PAX3: variants seen among roughly 807,000 people sequenced by gnomAD.
The protein encoded by PAX3 is paired box protein Pax-3.
In PAX3, 14 loss-of-function variants were observed where a neutral mutation model predicts 51.6. The observed-to-expected ratio is 0.27, with a 90% CI of 0.18 to 0.42. The LOEUF (loss-of-function observed/expected upper bound fraction) is 0.42. Ranked by LOEUF, PAX3 falls within the 10% of genes least tolerant of loss-of-function variation. PAX3 has a pLI of 1.00. For synonymous variants in PAX3, 280 were observed against 253.4 expected, an observed-to-expected ratio of 1.11 and a Z score of -1.00; for missense variants, 540 against 642.8, an observed-to-expected ratio of 0.84 and a Z score of 1.73.
intron 4 of PAX3, among the ~76,000 whole-genome samples, chr2:222,270,506 G>A (rs1453887658): frequency 6.6e-6 from 1 of 152,154 alleles, no homozygotes; most frequent in Non-Finnish European, 1.5e-5. Flanking sequence ...AAAAGAGAGA[G>A]GTTTCCCTTA....
At chr2:222,293,771 A>G in intron 4 of PAX3, 1 of 1,614,138 alleles carries the variant, frequency 6.2e-7, no homozygotes, top group Non-Finnish European at 8.5e-7. Context: ...AGGGCATAAA[A>G]GCTACTTCAA....
chr2:222,207,577 T>A (rs530041671), intron 7 of PAX3, among the ~76,000 whole-genome samples: 26 of 152,334 alleles, frequency 1.7e-4, no homozygotes, highest in South Asian at 1.0e-3. Flanking sequence ...GCAGCATACA[T>A]TTCCATGTTT....
Position 222,227,882 on chromosome 2 carries a change from G to A in PAX3, c.792+4196C>T, listed in dbSNP as rs899028979. Among the ~76,000 whole-genome samples, 7 of 152,202 alleles carry A rather than the reference G, an allele frequency of 4.6e-5. No individual in the cohort carries two copies. The East Asian group carries it at 1.2e-3, about 25-fold the overall frequency. ...ATATAAAACACTGACAGAGGCTAAAGTTATTATAGCTTTAGTCCCATTTCT... is the reference window on the plus strand; with the variant it reads ...ATATAAAACACTGACAGAGGCTAAAATTATTATAGCTTTAGTCCCATTTCT... On this transcript the variant is annotated intron_variant, in intron 5 of 8. Transcript: ENST00000392070.
intron 4 of PAX3, among the ~76,000 whole-genome samples, chr2:222,275,943 C>T (rs547176322): frequency 2.6e-5 from 4 of 152,274 alleles, no homozygotes; most frequent in African/African-American, 4.8e-5. Context: ...TTGGGACAAC[C>T]GCTAAGTGTG....
At chr2:222,291,263 G>C (rs1695027193) in intron 4 of PAX3, among the ~76,000 whole-genome samples, 1 of 152,240 alleles carries the variant, frequency 6.6e-6, no homozygotes, top group Non-Finnish European at 1.5e-5. Flanking sequence ...TCTCAGCGCG[G>C]GCCAGGGGCT....
chr2:222,283,718 T>G (rs934411247), intron 4 of PAX3, among the ~76,000 whole-genome samples: 6 of 152,372 alleles, frequency 3.9e-5, no homozygotes, highest in African/African-American at 1.4e-4. Context: ...ATCAGTTCAC[T>G]GGGGGCCCGG....
At chr2:222,251,606 A>C (rs1442809942) in intron 4 of PAX3, among the ~76,000 whole-genome samples, 2 of 152,114 alleles carry the variant, frequency 1.3e-5, no homozygotes, top group East Asian at 3.8e-4. Context: ...ATGTTTTATA[A>C]TCCTTTGGGT....
intron 4 of PAX3, among the ~76,000 whole-genome samples, chr2:222,290,030 A>G (rs1694973115): frequency 6.6e-6 from 1 of 152,150 alleles, no homozygotes; most frequent in South Asian, 2.1e-4. Context: ...ATTTTAATCT[A>G]TGGGAAAGTT....
At chr2:222,277,919 C>T (rs1463561270) in intron 4 of PAX3, among the ~76,000 whole-genome samples, 70 of 134,076 alleles carry the variant, frequency 5.2e-4, no homozygotes, top group African/African-American at 1.8e-3. Context: ...GGCAACAGAG[C>T]GAGACTCCAT....
chr2:222,229,651 A>C (rs572208920), intron 5 of PAX3, among the ~76,000 whole-genome samples: 158 of 152,234 alleles, frequency 1.0e-3, no homozygotes, highest in Non-Finnish European at 2.0e-3. Context: ...AGACCTCCAT[A>C]GGATATCCTC....
At chr2:222,245,413 C>T (rs1398118697) in intron 4 of PAX3, among the ~76,000 whole-genome samples, 5 of 152,210 alleles carry the variant, frequency 3.3e-5, no homozygotes, top group Non-Finnish European at 7.3e-5. Flanking sequence ...TAATTGTGAG[C>T]AATTCACCTT....
chr2:222,296,714 G>A (rs1394001824), intron 2 of PAX3, among the ~76,000 whole-genome samples: 2 of 152,200 alleles, frequency 1.3e-5, no homozygotes, highest in Non-Finnish European at 2.9e-5. Context: ...ATAATTTGAT[G>A]AGGATTGCAA....
At chr2:222,291,180 G>A (rs535416885) in intron 4 of PAX3, among the ~76,000 whole-genome samples, 4 of 152,188 alleles carry the variant, frequency 2.6e-5, no homozygotes, top group Admixed American at 6.5e-5. Context: ...TTGAGCGGCC[G>A]CTGCGCAGGG....
chr2:222,203,193 GAAGTGCTT>G (rs1245055396), intron 7 of PAX3, among the ~76,000 whole-genome samples: 2 of 151,106 alleles, frequency 1.3e-5, no homozygotes, highest in East Asian at 3.9e-4. Context: ...TCAACATGGT[GAAGTGCTT>G]CACCAACTCA....
rs746473854 is a variant in PAX3 at position 222,294,182 on chromosome 2, T to A, written c.571A>T (p.Ile191Phe). ...EKKAKHSIDG[I>F]LSERASAPQS... ...CACCGCTTACCTCGCTCGCTCAGGA[T>A]GCCGTCGATGCTGTGTTTGGCCTTC... Residue 191 changes from isoleucine (I) to phenylalanine (F), a missense_variant, in exon 4 of 9, where the codon ATC (isoleucine) becomes TTC (phenylalanine). By Grantham distance (21) the Ile-to-Phe change is conservative. Around this residue, in one of 3 missense-constraint regions of PAX3, gnomAD observed 427 missense variants for 483.6 expected, o/e 0.88. Transcript: ENST00000392070. 36 of 1,614,158 alleles carry A rather than the reference T, an allele frequency of 2.2e-5. No homozygotes were observed. Among genetic ancestry groups the A allele is most frequent in the Non-Finnish European group, 2.7e-5 (32 of 1,180,060 alleles).
Position 222,270,553 on chromosome 2 carries a change from C to T in PAX3, c.586+23614G>A, listed in dbSNP as rs576888609. Among the ~76,000 whole-genome samples the T allele has an allele frequency of 4.6e-5, 7 of 152,154 alleles. No individual in the cohort carries two copies. The East Asian group carries it at 1.2e-3, about 25-fold the overall frequency. Reference sequence around the variant, plus strand: ...ATCAAAAGCATCTTCTCCTCACTGGCCTTATTTTCCATGAGCTTATCCATC... The same window carrying T: ...ATCAAAAGCATCTTCTCCTCACTGGTCTTATTTTCCATGAGCTTATCCATC... On this transcript the variant is annotated intron_variant, in intron 4 of 8. Transcript: ENST00000392070.
At chr2:222,290,520 G>A (rs1694990736) in intron 4 of PAX3, among the ~76,000 whole-genome samples, 1 of 152,176 alleles carries the variant, frequency 6.6e-6, no homozygotes, top group African/African-American at 2.4e-5. Flanking sequence ...AAAGTCTTAT[G>A]AGAGTGTATC....
Position 222,294,300 on chromosome 2 carries a change from C to T in PAX3, c.453G>A (p.Val151=). 6 of 1,614,214 alleles carry T rather than the reference C, an allele frequency of 3.7e-6. No individual in the cohort carries two copies. Among genetic ancestry groups the T allele is most frequent in the African/African-American group, 1.3e-5 (1 of 75,054 alleles). The change falls in exon 4 of 9, where the codon GTG becomes GTA. Residue 151 remains valine, a splice_region_variant and synonymous_variant. Coordinates refer to ENST00000392070, the MANE Select transcript of PAX3 (RefSeq NM_181458.4). ...TTCTCAGGATGCGGCTGATGGAACT[C>T]ACTGGGGGCGGGAGGAGGAAGGAAG... is the stretch of plus-strand genomic sequence containing the variant. ...AVCDRNTVPS[V]SSISRILRSK...
At chr2:222,289,907 A>G (rs1694968072) in intron 4 of PAX3, among the ~76,000 whole-genome samples, 2 of 152,248 alleles carry the variant, frequency 1.3e-5, no homozygotes, top group Admixed American at 6.5e-5. Flanking sequence ...TATAGAATCG[A>G]AACGACATTG....
Sources: allele counts gnomAD v4.1 joint callset (sites outside exome capture counted in the v4.1 genomes callset), GRCh38; gene constraint gnomAD v4.1.1; regional missense constraint gnomAD v4.1.1; transcripts MANE v1.5; gene names NCBI Gene and HGNC (gene_info 2026-07-23, HGNC 2026-07-21).